The following FIP1L1 variants were observed in gnomAD, a reference collection of about 807,000 sequenced individuals.
The protein encoded by FIP1L1 is factor interacting with PAPOLA and CPSF1, also known as pre-mRNA 3'-end-processing factor FIP1.
In FIP1L1, 21 loss-of-function variants were observed where a neutral mutation model predicts 84.6. That is an observed-to-expected ratio of 0.25 (90% confidence interval 0.18 to 0.36). The LOEUF (loss-of-function observed/expected upper bound fraction) is 0.36. Ranked by LOEUF, FIP1L1 falls within the 10% of genes least tolerant of loss-of-function variation. The pLI is 1.00. For synonymous variants in FIP1L1, 263 were observed against 242.3 expected (o/e 1.09, Z -0.80); for missense variants, 526 against 751.1 (o/e 0.70, Z 3.50).
intron 5 of FIP1L1, among the ~76,000 whole-genome samples, chr4:53,387,655 A>G (rs893301934): frequency 1.3e-5 from 2 of 152,260 alleles, no homozygotes; most frequent in Admixed American, 6.5e-5. Flanking sequence ...AATGGGGAAT[A>G]GAAAGTAGCT....
At chr4:53,420,515 A>G (rs1762004225) in intron 11 of FIP1L1, among the ~76,000 whole-genome samples, 1 of 151,776 alleles carries the variant, frequency 6.6e-6, no homozygotes. Flanking sequence ...GTCTCTTTAA[A>G]TGTAGTACTG....
chr4:53,440,097 C>A (rs17082778), intron 13 of FIP1L1, among the ~76,000 whole-genome samples: 2,671 of 152,042 alleles, frequency 0.018, 80 homozygotes, highest in African/African-American at 0.061. Flanking sequence ...GCCAACAATA[C>A]TAGAACAGTC....
intron 10 of FIP1L1, among the ~76,000 whole-genome samples, chr4:53,410,051 A>G (rs1453039855): frequency 1.3e-5 from 2 of 152,186 alleles, no homozygotes; most frequent in Non-Finnish European, 2.9e-5. Flanking sequence ...GGTACCTCAG[A>G]TGGAAATGCA....
intron 11 of FIP1L1, among the ~76,000 whole-genome samples, chr4:53,421,656 T>C (rs1177715555): frequency 2.0e-5 from 3 of 152,230 alleles, no homozygotes; most frequent in Non-Finnish European, 2.9e-5. Context: ...TTGAACTGTT[T>C]GCTGCCCAGT....
At chr4:53,443,659 A>G (rs1407018200) in intron 14 of FIP1L1, among the ~76,000 whole-genome samples, 1 of 152,172 alleles carries the variant, frequency 6.6e-6, no homozygotes, top group African/African-American at 2.4e-5. Context: ...TCAAAATGTT[A>G]AAAAGTATTC....
intron 1 of FIP1L1, chr4:53,378,751 ATGTT>A: frequency 3.6e-6 from 1 of 280,862 alleles, no homozygotes. Context: ...TTGAAAGTTA[ATGTT>A]TGTTCCTTGC....
At chr4:53,453,214 C>T in intron 16 of FIP1L1, 81 bp downstream of exon 16, 1 of 1,512,860 alleles carries the variant, frequency 6.6e-7, no homozygotes, top group Non-Finnish European at 9.1e-7. Flanking sequence ...AAGTGAATTT[C>T]AGTTCACTTG....
At chr4:53,448,936 G>T (rs1306571047) in intron 15 of FIP1L1, among the ~76,000 whole-genome samples, 1 of 151,988 alleles carries the variant, frequency 6.6e-6, no homozygotes, top group Non-Finnish European at 1.5e-5. Flanking sequence ...AGTGTGTTCT[G>T]TTTATATTTG....
chr4:53,383,927 A>G (rs1739450199), intron 5 of FIP1L1, 51 bp downstream of exon 5: 1 of 1,536,486 alleles, frequency 6.5e-7, no homozygotes, highest in African/African-American at 1.4e-5. Flanking sequence ...TATAGTAAGG[A>G]GAGTGTGCCT....
intron 10 of FIP1L1, among the ~76,000 whole-genome samples, chr4:53,407,085 C>A (rs926551409): frequency 6.6e-6 from 1 of 152,136 alleles, no homozygotes; most frequent in African/African-American, 2.4e-5. Flanking sequence ...TTCTCTAGTT[C>A]TTTTAATTGT....
chr4:53,380,036 A>C (rs1219061936), intron 3 of FIP1L1, among the ~76,000 whole-genome samples: 2 of 152,210 alleles, frequency 1.3e-5, no homozygotes, highest in Non-Finnish European at 2.9e-5. Context: ...TAAAACCCTC[A>C]TACACTTCTG....
chr4:53,391,467 A>G lies in FIP1L1; in HGVS notation c.674A>G (p.Glu225Gly), dbSNP rs1744215815. ...ACTATGGAAGTTACACCAGGTGCAGAGATCCAAGATGGCAGATTCAATCTT... is the reference window on the plus strand; with the variant it reads ...ACTATGGAAGTTACACCAGGTGCAGGGATCCAAGATGGCAGATTCAATCTT... ...DCTMEVTPGAEIQDGRFNLFK... is the reference protein window; with the variant it reads ...DCTMEVTPGAGIQDGRFNLFK... Residue 225 changes from glutamate (E) to glycine (G), a missense_variant, in exon 9 of 18, where the codon GAG becomes GGG. Physicochemically the swap from Glu to Gly is moderately conservative, Grantham distance 98. Around this residue, in one of 6 missense-constraint regions of FIP1L1, gnomAD observed 169 missense variants for 206.9 expected, o/e 0.82. Coordinates refer to ENST00000337488, the MANE Select transcript of FIP1L1 (RefSeq NM_030917.4). 1 of 1,613,510 alleles carries G rather than the reference A, an allele frequency of 6.2e-7. No homozygotes were observed. Among genetic ancestry groups the G allele is most frequent in the Non-Finnish European group, 8.5e-7 (1 of 1,179,506 alleles).
chr4:53,435,127 A>G (rs866554138), intron 13 of FIP1L1, among the ~76,000 whole-genome samples: 2 of 152,212 alleles, frequency 1.3e-5, no homozygotes, highest in South Asian at 2.1e-4. Flanking sequence ...GTGTTTTTCT[A>G]TATTCAATTT....
intron 11 of FIP1L1, among the ~76,000 whole-genome samples, chr4:53,421,442 T>C (rs551447150): frequency 6.6e-6 from 1 of 152,306 alleles, no homozygotes; most frequent in South Asian, 2.1e-4. Context: ...TCTGAAATGT[T>C]CTATCTTCCC....
intron 11 of FIP1L1, among the ~76,000 whole-genome samples, chr4:53,421,293 CTT>C (rs1287067287): frequency 6.6e-6 from 1 of 152,150 alleles, no homozygotes; most frequent in Non-Finnish European, 1.5e-5. Context: ...CTTTGAATGT[CTT>C]TTGGTTGGTA....
intron 10 of FIP1L1, 83 bp downstream of exon 10, chr4:53,399,922 C>CT: frequency 1.1e-6 from 1 of 923,566 alleles, no homozygotes; most frequent in Non-Finnish European, 1.6e-6. Flanking sequence ...TATAAAAGCT[C>CT]TGAATGTTTT....
chr4:53,413,863 T>C (rs1758278526), intron 10 of FIP1L1, among the ~76,000 whole-genome samples: 1 of 152,164 alleles, frequency 6.6e-6, no homozygotes, highest in Non-Finnish European at 1.5e-5. Context: ...CAAAGGTATA[T>C]AGAAACTTGT....
rs559312701 is a variant in FIP1L1, at chr4:53,379,389, G to C, written c.170+125G>C. Reference sequence around the variant, plus strand: ...CAACACTGACTTACAACATTTTGGAGGACATTGAATCCTTTAAGGATTATT... The same window carrying C: ...CAACACTGACTTACAACATTTTGGACGACATTGAATCCTTTAAGGATTATT... On this transcript the variant is annotated intron_variant, in intron 3 of 17. Transcript: ENST00000337488. 6.1e-6 allele frequency: 5 copies of C among 813,918 alleles called. 1 individual carries two copies. The South Asian group carries it at 9.1e-5, about 15-fold the overall frequency. The allele number at this position is 813,918 out of a possible 1,614,324, so 50.4% of individuals were successfully genotyped here. A position where few individuals can be genotyped will look rare whatever the true frequency, so the allele number is the denominator to read the frequency against.
intron 13 of FIP1L1, among the ~76,000 whole-genome samples, chr4:53,429,873 A>G (rs1199614240): frequency 6.6e-6 from 1 of 152,188 alleles, no homozygotes; most frequent in Non-Finnish European, 1.5e-5. Flanking sequence ...ACCATGCTGT[A>G]CAGTAGAGCT....
Sources: gnomAD v4.1 joint callset for allele counts (sites outside exome capture counted in the v4.1 genomes callset) on GRCh38, gnomAD v4.1.1 for gene constraint, gnomAD v4.1.1 regional missense constraint, MANE v1.5 for transcripts, NCBI Gene and HGNC (gene_info 2026-07-23, HGNC 2026-07-21) for gene names.